The following MED13 variants were observed in gnomAD, a reference collection of about 807,000 sequenced individuals.
The protein encoded by MED13 is mediator of RNA polymerase II transcription subunit 13.
Under a neutral mutation model 225.2 loss-of-function variants are expected in MED13, and 23 were observed. That is an observed-to-expected ratio of 0.10 (90% CI 0.07 to 0.14). The LOEUF is 0.14. Ranked by LOEUF, MED13 falls within the 10% of genes least tolerant of loss-of-function variation. MED13 has a pLI of 1.00. For missense variants in MED13, 2,197 were observed against 2,594.5 expected, an observed-to-expected ratio of 0.85 and a Z score of 3.33; for synonymous variants, 942 against 889.2, an observed-to-expected ratio of 1.06 and a Z score of -1.06.
chr17:61,965,496 T>C, intron 19 of MED13, 28 bp from the exon 20 acceptor site: 1 of 1,566,918 alleles, frequency 6.4e-7, no homozygotes, highest in Middle Eastern at 1.7e-4. Context: ...GTACGAAATT[T>C]AATTCTTTAT....
intron 8 of MED13, among the ~76,000 whole-genome samples, chr17:62,015,834 T>TATAC (rs1567979313): frequency 8.8e-6 from 1 of 113,434 alleles, no homozygotes; most frequent in East Asian, 3.3e-4. Context: ...ACTATATATA[T>TATAC]ACACACACAC....
In MED13 at chr17:61,943,279, A is replaced by T. The variant is rs2079828328; in HGVS notation, c.*3189T>A. The T allele has an allele frequency of 6.6e-6, 1 of 152,602 alleles. No homozygotes were observed. Among genetic ancestry groups the T allele is most frequent in the Non-Finnish European group, 1.5e-5 (1 of 67,990 alleles). 9.5% of individuals were successfully genotyped at this position (152,602 alleles called of 1,614,324 possible). Reference sequence around the variant, plus strand: ...TTAACTGATTGATATGCAATGCCATAGTGGATGAATAGCAAATTATATGAT... The same window carrying T: ...TTAACTGATTGATATGCAATGCCATTGTGGATGAATAGCAAATTATATGAT... On this transcript the variant is annotated 3_prime_UTR_variant, in exon 30 of 30. Transcript: ENST00000397786.
intron 9 of MED13, among the ~76,000 whole-genome samples, chr17:62,003,403 C>T (rs1328849577): frequency 2.0e-5 from 3 of 151,864 alleles, no homozygotes; most frequent in Admixed American, 6.6e-5. Flanking sequence ...GTCAGGAGTT[C>T]GAGACCAGCC....
At chr17:62,063,032 T>C (rs2081053676) in intron 2 of MED13, 35 bp downstream of exon 2, 1 of 1,475,924 alleles carries the variant, frequency 6.8e-7, no homozygotes. Context: ...ACAATGTTGC[T>C]ATATCATTAG....
chr17:62,063,203 G>A lies in MED13; in HGVS notation c.165C>T (p.Ser55=). Residue 55 remains serine (S), a synonymous_variant, in exon 2 of 30, where the codon AGC becomes AGT. Transcript: ENST00000397786. ...CTGCCTTAAGGCAGCGACTAAAACT[G>A]CTCAAAATGGGGTCTTCTTCTGTCA... is the stretch of plus-strand genomic sequence containing the variant. ...FPVTEEDPIL[S]SFSRCLKADV... is the part of the protein sequence containing the mutation. The A allele has an allele frequency of 2.5e-6, 4 of 1,614,122 alleles. No individual in the cohort carries two copies. Among genetic ancestry groups the A allele is most frequent in the Non-Finnish European group, 3.4e-6 (4 of 1,179,986 alleles).
chr17:62,002,493 A>AAC (rs2080405215), intron 9 of MED13, among the ~76,000 whole-genome samples: 1 of 141,294 alleles, frequency 7.1e-6, no homozygotes, highest in African/African-American at 2.8e-5. Flanking sequence ...CCATCTCAAA[A>AAC]AAAAAAAAAA....
chr17:62,014,310 T>TTTTATA (rs143857376), intron 8 of MED13, among the ~76,000 whole-genome samples: 30 of 143,116 alleles, frequency 2.1e-4, no homozygotes, highest in African/African-American at 7.8e-4. Flanking sequence ...GTATATGTTT[T>TTTTATA]TATATATATA....
chr17:62,021,971 A>T (rs2080652402), intron 8 of MED13, among the ~76,000 whole-genome samples: 1 of 152,090 alleles, frequency 6.6e-6, no homozygotes, highest in Non-Finnish European at 1.5e-5. Flanking sequence ...GTTTGAGACC[A>T]GCCTGACCAA....
intron 8 of MED13, among the ~76,000 whole-genome samples, chr17:62,028,714 G>C (rs572154669): frequency 2.0e-5 from 3 of 151,658 alleles, no homozygotes; most frequent in Non-Finnish European, 2.9e-5. Flanking sequence ...GCATGGTGGC[G>C]GGCGCCTGTA....
chr17:61,995,440 A>T (rs990175872), intron 9 of MED13, 75 bp from the exon 10 acceptor site: 1 of 1,019,382 alleles, frequency 9.8e-7, no homozygotes, highest in African/African-American at 1.6e-5. Flanking sequence ...TAAGTATCAT[A>T]ATGTTTTTAG....
chr17:61,978,830 G>A (rs2080179415), intron 16 of MED13, among the ~76,000 whole-genome samples: 1 of 152,046 alleles, frequency 6.6e-6, no homozygotes, highest in African/African-American at 2.4e-5. Context: ...TGGTCCCTGA[G>A]AATGAATAAT....
At chr17:61,983,190 AC>A in intron 15 of MED13, 76 bp from the exon 16 acceptor site, 3 of 1,194,722 alleles carry the variant, frequency 2.5e-6, no homozygotes, top group South Asian at 1.9e-5. Context: ...ACAACTAAAA[AC>A]GTCCCAAATG....
At chr17:61,971,749 C>T (rs1051924222) in intron 17 of MED13, among the ~76,000 whole-genome samples, 6 of 152,158 alleles carry the variant, frequency 3.9e-5, no homozygotes, top group South Asian at 2.1e-4. Context: ...GCCCGGCCAA[C>T]GTGATGAAAC....
chr17:61,973,544 G>T (rs2143413662), intron 16 of MED13, among the ~76,000 whole-genome samples: 1 of 152,236 alleles, frequency 6.6e-6, no homozygotes, highest in East Asian at 1.9e-4. Flanking sequence ...ATCACTAAAA[G>T]ATATTGATAT....
intron 6 of MED13, chr17:62,030,428 A>C (rs964943790): frequency 6.5e-6 from 1 of 154,578 alleles, no homozygotes; most frequent in Non-Finnish European, 1.4e-5. Context: ...AGTAGTGCGA[A>C]GGGGCCCTGG....
chr17:62,043,156 C>CAAAAAAAAAAAAA (rs764530614), intron 3 of MED13, among the ~76,000 whole-genome samples: 30 of 31,676 alleles, frequency 9.5e-4, no homozygotes, highest in South Asian at 5.4e-3. Flanking sequence ...ACCCTGTCTC[C>CAAAAAAAAAAAAA]AAAAAAAAAA....
chr17:62,031,739 T>C (rs1170845882), intron 5 of MED13, 101 bp from the exon 6 acceptor site: 2 of 602,102 alleles, frequency 3.3e-6, no homozygotes, highest in South Asian at 1.4e-4. Context: ...ATCACATTTA[T>C]ACAAATAAAA....
chr17:61,959,722 A>G (rs2079981143), intron 23 of MED13, among the ~76,000 whole-genome samples: 1 of 145,876 alleles, frequency 6.9e-6, no homozygotes, highest in Non-Finnish European at 1.5e-5. Context: ...GATAGAACCC[A>G]AATCTTTTTT....
At chr17:62,040,950 A>G (rs2080847402) in intron 3 of MED13, among the ~76,000 whole-genome samples, 1 of 152,246 alleles carries the variant, frequency 6.6e-6, no homozygotes, top group Non-Finnish European at 1.5e-5. Context: ...AAAATAGTGC[A>G]GCCACCATGG....
Sources: gnomAD v4.1 joint callset for allele counts (sites outside exome capture counted in the v4.1 genomes callset) on GRCh38, gnomAD v4.1.1 for gene constraint, MANE v1.5 for transcripts, NCBI Gene and HGNC (gene_info 2026-07-23, HGNC 2026-07-21) for gene names.